The following TLCD3A variants were observed in gnomAD, a reference collection of about 807,000 sequenced individuals.
TLCD3A encodes TLC domain-containing protein 3A.
Under a neutral mutation model 29.9 loss-of-function variants are expected in TLCD3A, and 17 were observed. The observed-to-expected ratio is 0.57, with a 90% CI of 0.39 to 0.85. TLCD3A has a LOEUF of 0.85. Among genes scored for constraint, TLCD3A ranks in the 40% least tolerant of loss-of-function variants. The pLI, the probability that TLCD3A is intolerant of heterozygous loss-of-function variation, is 0.00. For synonymous variants in TLCD3A, 143 were observed against 147.7 expected (o/e 0.97, Z 0.23); for missense variants, 332 against 350.8 (o/e 0.95, Z 0.43).
In TLCD3A at chr17:732,717, C is replaced by T; in HGVS notation, c.70C>T (p.Arg24Cys). ...CTTCGCGCTCTGCACCTGGGCGCTG[C>T]GCCGCTCCCAGCCCGGATGGAGCCG... Reference protein sequence around the residue: ...GLFALCTWALRRSQPGWSRTD... With the variant: ...GLFALCTWALCRSQPGWSRTD... The change falls in exon 1 of 5, where the codon CGC becomes TGC. Residue 24 changes from arginine (R) to cysteine (C), a missense_variant. Arg to Cys is a radical substitution (Grantham distance 180). Coordinates refer to ENST00000308278, the MANE Select transcript of TLCD3A (RefSeq NM_024792.3). 1.4e-6 allele frequency: 2 copies of T among 1,441,500 alleles called. No individual in the cohort carries two copies. The highest frequency in any genetic ancestry group is 1.8e-6 in the Non-Finnish European group (2 of 1,098,398). 89.3% of individuals were successfully genotyped at this position (1,441,500 alleles called of 1,614,324 possible).
In TLCD3A at chr17:741,266, G is replaced by A. The variant is rs769402791; in HGVS notation, c.505-35G>A. 9.9e-6 allele frequency: 16 copies of A among 1,610,000 alleles called. No individual in the cohort carries two copies. In the African/African-American group the frequency reaches 1.6e-4, roughly 16 times the overall value. On this transcript the variant is annotated intron_variant, in intron 4 of 4. Coordinates refer to ENST00000308278, the MANE Select transcript of TLCD3A (RefSeq NM_024792.3). Reference sequence around the variant, plus strand: ...TCGCTCCCTGATGCCCAGCTTCTTGGTGACCTTACCTTTTTCCTTCCTCTT... The same window carrying A: ...TCGCTCCCTGATGCCCAGCTTCTTGATGACCTTACCTTTTTCCTTCCTCTT...
intron 1 of TLCD3A, 135 bp downstream of exon 1, chr17:732,904 A>G: frequency 7.3e-7 from 1 of 1,362,540 alleles, no homozygotes; most frequent in Non-Finnish European, 9.4e-7. Flanking sequence ...CGGCGGCCCG[A>G]GTTTCCGAAG....
At position 741,590 on chromosome 17, in the gene TLCD3A, G is replaced by A. The variant is rs373605611; in HGVS notation, c.*20G>A. 1.4e-5 allele frequency: 22 copies of A among 1,607,200 alleles called. No homozygotes were observed. Among genetic ancestry groups the A allele is most frequent in the East Asian group, 2.2e-5 (1 of 44,888 alleles). On this transcript the variant is annotated 3_prime_UTR_variant, in exon 5 of 5. Transcript: ENST00000308278. ...GGCTAAATGCTCCTGGGAGTCAGGC[G>A]CAGCCTCACACCAGCTGCCTCCTCC...
In TLCD3A at chr17:737,981, A is replaced by C; in HGVS notation, c.342A>C (p.Leu114=). 1 of 1,613,710 alleles carries C rather than the reference A, an allele frequency of 6.2e-7. No homozygotes were observed. Among genetic ancestry groups the C allele is most frequent in the Non-Finnish European group, 8.5e-7 (1 of 1,179,950 alleles). ...RAPSLTLRNF[L]SRNRLMITHH... ...CCTCCCTCACTCTTCGAAACTTCCTAAGTCGAAACCGCCTCATGATCACAC... is the reference window on the plus strand; with the variant it reads ...CCTCCCTCACTCTTCGAAACTTCCTCAGTCGAAACCGCCTCATGATCACAC... The change falls in exon 3 of 5, where the codon CTA becomes CTC. Residue 114 remains leucine, a synonymous_variant. Transcript: ENST00000308278.
At chr17:733,435 T>G (rs1205908701) in intron 2 of TLCD3A, among the ~76,000 whole-genome samples, 2 of 152,194 alleles carry the variant, frequency 1.3e-5, no homozygotes, top group African/African-American at 4.8e-5. Context: ...ATGGAAGAGA[T>G]AAGCGTGGAA....
intron 1 of TLCD3A, 125 bp downstream of exon 1, chr17:732,894 C>G (rs997988114): frequency 7.3e-7 from 1 of 1,371,476 alleles, no homozygotes; most frequent in Non-Finnish European, 9.4e-7. Context: ...CTCCGCGTCC[C>G]GGCGGCCCGA....
rs766940108 is a variant in TLCD3A at position 734,188 on chromosome 17, CTTCT to C, written c.206+1010_206+1013del. On this transcript the variant is annotated intron_variant, in intron 2 of 4. Transcript: ENST00000308278. ...GGGTACAATTTTTCTTCTTCTTCTT[CTTCT>C]TTTTTTTTTAAAGACAGGGTCTCAC... Among the ~76,000 whole-genome samples, 272 of 87,174 alleles carry C rather than the reference CTTCT, an allele frequency of 3.1e-3. 5 individuals carry two copies. The highest frequency in any genetic ancestry group is 6.7e-3 in the Non-Finnish European group (217 of 32,292). The allele number at this position is 87,174 out of a possible 152,430, so 57.2% of individuals were successfully genotyped here.
chr17:738,450 G>A (rs1974199118), intron 3 of TLCD3A, among the ~76,000 whole-genome samples: 1 of 151,928 alleles, frequency 6.6e-6, no homozygotes, highest in Non-Finnish European at 1.5e-5. Flanking sequence ...TCTTTTCTTT[G>A]CCACTCATAG....
rs530420476 is a variant in TLCD3A at position 733,131 on chromosome 17, C to G, written c.156C>G (p.Thr52=). 4 of 1,590,088 alleles carry G rather than the reference C, an allele frequency of 2.5e-6. No individual in the cohort carries two copies. Among genetic ancestry groups the G allele is most frequent in the South Asian group, 2.3e-5 (2 of 87,624 alleles). Reference sequence around the variant, plus strand: ...CCTCGGTGCACGCCGTGCTGGCCACCGGCTCGGGGATCGTCATCATTCGCT... The same window carrying G: ...CCTCGGTGCACGCCGTGCTGGCCACGGGCTCGGGGATCGTCATCATTCGCT... ...LVSSVHAVLA[T]GSGIVIIRSC... The change falls in exon 2 of 5, where the codon ACC becomes ACG. Residue 52 remains threonine, a synonymous_variant. Transcript: ENST00000308278.
At chr17:740,186 G>A (rs2740351) in intron 3 of TLCD3A, among the ~76,000 whole-genome samples, 100,208 of 152,126 alleles carry the variant, frequency 0.66, 34,118 homozygotes, top group African/African-American at 0.83. Flanking sequence ...GGCACATTTT[G>A]TTGAACCAAA....
chr17:738,107 T>TTTTTTTA, intron 3 of TLCD3A, 60 bp downstream of exon 3: 1 of 1,319,750 alleles, frequency 7.6e-7, no homozygotes, highest in Non-Finnish European at 1.0e-6. Context: ...TTTTTTTTTT[T>TTTTTTTA]TTTTTTCTGA....
At chr17:739,988 G>T (rs1974222970) in intron 3 of TLCD3A, among the ~76,000 whole-genome samples, 1 of 152,198 alleles carries the variant, frequency 6.6e-6, no homozygotes, top group Admixed American at 6.5e-5. Flanking sequence ...AGAGGTTGCA[G>T]TGAGCTGAGA....
intron 4 of TLCD3A, among the ~76,000 whole-genome samples, chr17:740,867 TG>T (rs1289089658): frequency 6.6e-6 from 1 of 152,192 alleles, no homozygotes; most frequent in Non-Finnish European, 1.5e-5. Flanking sequence ...AAATCCCTAG[TG>T]CCAGGAGAGT....
At chr17:736,852 C>A (rs186455929) in intron 2 of TLCD3A, among the ~76,000 whole-genome samples, 29 of 151,732 alleles carry the variant, frequency 1.9e-4, no homozygotes, top group Non-Finnish European at 3.7e-4. Flanking sequence ...AACGGGGTTT[C>A]ACAATGTTGA....
At position 740,544 on chromosome 17, in the gene TLCD3A, A is replaced by G. The variant is rs1028642187; in HGVS notation, c.448A>G (p.Ile150Val). ...GDLGDFFVGC[I>V]FTAELSTPFV... ...CCTTGGGGACTTCTTTGTCGGCTGC[A>G]TCTTCACGGCAGAACTGAGCACTCC... is the stretch of plus-strand genomic sequence containing the variant. The change falls in exon 4 of 5, where the codon ATC (isoleucine) becomes GTC (valine). Residue 150 changes from isoleucine (I) to valine (V), a missense_variant. Physicochemically the swap from Ile to Val is conservative, Grantham distance 29. Transcript: ENST00000308278. The G allele has an allele frequency of 8.1e-6, 13 of 1,614,012 alleles. No homozygotes were observed. Among genetic ancestry groups the G allele is most frequent in the South Asian group, 3.3e-5 (3 of 91,072 alleles).
chr17:740,397 C>A, intron 3 of TLCD3A, 108 bp from the exon 4 acceptor site: 1 of 810,886 alleles, frequency 1.2e-6, no homozygotes, highest in Non-Finnish European at 2.2e-6. Flanking sequence ...GCCTATTGAG[C>A]GTCCTTTGCC....
In TLCD3A at chr17:741,864, A is replaced by G. The variant is rs1974260765; in HGVS notation, c.*294A>G. The stretch of plus-strand genomic sequence containing the variant: ...TATCTCAAGAGCTCTGGGAGGTGGA[A>G]GCATGGGGTGGGATCGGTGGACCAG... On this transcript the variant is annotated 3_prime_UTR_variant, in exon 5 of 5. Coordinates refer to ENST00000308278, the MANE Select transcript of TLCD3A (RefSeq NM_024792.3). 4.5e-6 allele frequency: 2 copies of G among 444,806 alleles called. No homozygotes were observed. Among genetic ancestry groups the G allele is most frequent in the South Asian group, 2.3e-5 (1 of 44,080 alleles). The allele number at this position is 444,806 out of a possible 1,614,324, so 27.6% of individuals were successfully genotyped here.
In TLCD3A at chr17:738,094, G is replaced by GTT. The variant is rs200758501; in HGVS notation, c.408+48_408+49insTT. 102 of 428,564 alleles carry GTT rather than the reference G, an allele frequency of 2.4e-4. 1 individual carries two copies. Among genetic ancestry groups the GTT allele is most frequent in the African/African-American group, 7.7e-4 (18 of 23,466 alleles). 26.5% of individuals were successfully genotyped at this position (428,564 alleles called of 1,614,324 possible). A position where few individuals can be genotyped will look rare whatever the true frequency, so the allele number is the denominator to read the frequency against. On this transcript the variant is annotated intron_variant, in intron 3 of 4. Transcript: ENST00000308278. ...GACCAGCAGCTGGGTTGAGCTGGGTGTCTTTTTTTTTTTTTTTTTCTGAGA... is the reference window on the plus strand; with the variant it reads ...GACCAGCAGCTGGGTTGAGCTGGGTGTTTCTTTTTTTTTTTTTTTTTCTGAGA...
At chr17:735,838 G>A (rs1974145764) in intron 2 of TLCD3A, among the ~76,000 whole-genome samples, 2 of 151,970 alleles carry the variant, frequency 1.3e-5, no homozygotes, top group East Asian at 3.9e-4. Context: ...AGCCGGACGT[G>A]GCGGCAGGTA....
Sources: gnomAD v4.1 joint callset for allele counts (sites outside exome capture counted in the v4.1 genomes callset) on GRCh38, gnomAD v4.1.1 for gene constraint, MANE v1.5 for transcripts, NCBI Gene and HGNC (gene_info 2026-07-23, HGNC 2026-07-21) for gene names.